Variants in EPG5 observed in about 807,000 individuals in gnomAD.
The protein encoded by EPG5 is ectopic P granules protein 5 homolog.
EPG5 carries 159 observed loss-of-function variants against 302.7 expected under a neutral mutation model. The observed-to-expected ratio is 0.53, with a 90% CI of 0.46 to 0.60. The LOEUF is 0.60. EPG5 is among the 20% of genes least tolerant of loss of function. The pLI is 0.00. For synonymous variants in EPG5, 1,158 were observed against 1,136.8 expected (o/e 1.02, Z -0.37); for missense variants, 2,896 against 3,092.4 (o/e 0.94, Z 1.51).
At chr18:45,952,046 A>G (rs1256474315) in intron 3 of EPG5, among the ~76,000 whole-genome samples, 1 of 152,266 alleles carries the variant, frequency 6.6e-6, no homozygotes, top group East Asian at 1.9e-4. Context: ...CACAAGAGAT[A>G]AAGGGTGAAG....
the EPG5 span, chr18:45,837,230 A>T: frequency 7.2e-7 from 1 of 1,389,572 alleles, no homozygotes; most frequent in Non-Finnish European, 9.5e-7. Context: ...CTGCAGGTGA[A>T]TTAGGAAACG....
chr18:45,896,126 G>T (rs1444744218), intron 27 of EPG5, among the ~76,000 whole-genome samples: 1 of 152,226 alleles, frequency 6.6e-6, no homozygotes, highest in Non-Finnish European at 1.5e-5. Flanking sequence ...TACCGCCTGG[G>T]ATAGCCTCAA....
chr18:45,837,603 A>G, the EPG5 span: 2 of 1,509,686 alleles, frequency 1.3e-6, no homozygotes, highest in Non-Finnish European at 1.8e-6. Context: ...ACCTTCACGC[A>G]CCCGCACCGC....
rs567468046 is a variant in EPG5 at position 45,913,871 on chromosome 18, C to A, written c.3694-43G>T. 20 of 1,602,058 alleles carry A rather than the reference C, an allele frequency of 1.2e-5. No homozygotes were observed. In the African/African-American group the frequency reaches 2.5e-4, roughly 20 times the overall value. On this transcript the variant is annotated intron_variant, in intron 20 of 43. Transcript: ENST00000282041. ...AAAGGGGAGGGGAAGGAGGAGCTCG[C>A]CCCACTGACGAAATACATCCTGATA...
intron 35 of EPG5, among the ~76,000 whole-genome samples, chr18:45,872,133 G>A (rs989967990): frequency 1.2e-4 from 18 of 152,106 alleles, no homozygotes; most frequent in Admixed American, 5.2e-4. Context: ...ATTAACCCTT[G>A]GTGCAATGAA....
chr18:45,865,769 A>AG lies in EPG5; in HGVS notation c.6622-11_6622-10insC. ...ATTTTGGAACTGCATCCTGACCAAA[A>AG]AAAAAAAAAAAAATCATTCAAATGA... is the stretch of plus-strand genomic sequence containing the variant. On this transcript the variant is annotated splice_polypyrimidine_tract_variant and intron_variant, in intron 38 of 43. Coordinates refer to ENST00000282041, the MANE Select transcript of EPG5 (RefSeq NM_020964.3). 1 of 1,457,222 alleles carries AG rather than the reference A, an allele frequency of 6.9e-7. No homozygotes were observed. The highest frequency in any genetic ancestry group is 9.3e-7 in the Non-Finnish European group (1 of 1,074,262). 90.3% of individuals were successfully genotyped at this position (1,457,222 alleles called of 1,614,324 possible). A position where few individuals can be genotyped will look rare whatever the true frequency, so the allele number is the denominator to read the frequency against.
At chr18:45,884,106 G>A (rs942122943) in intron 30 of EPG5, among the ~76,000 whole-genome samples, 3 of 151,924 alleles carry the variant, frequency 2.0e-5, no homozygotes, top group Non-Finnish European at 2.9e-5. Context: ...TTTCAAAACT[G>A]TATTAAGTTT....
chr18:45,915,412 A>G, intron 20 of EPG5, 99 bp downstream of exon 20: 2 of 866,418 alleles, frequency 2.3e-6, no homozygotes, highest in South Asian at 1.6e-5. Flanking sequence ...TAAGTGCTAA[A>G]TAAAAGTTAG....
intron 7 of EPG5, among the ~76,000 whole-genome samples, chr18:45,944,488 C>T (rs528296866): frequency 6.6e-6 from 1 of 152,292 alleles, no homozygotes; most frequent in African/African-American, 2.4e-5. Context: ...GGCGCGGTGG[C>T]TCATGCCTAT....
At position 45,880,184 on chromosome 18, in the gene EPG5, G is replaced by A; in HGVS notation, c.5558C>T (p.Ala1853Val). The part of the protein sequence containing the change: ...EQLLSPECWK[A>V]TLRALGCCAP... ...GCAGCAGCCCAGGGCTCTCAGAGTGGCCTTCCAACACTCGGGGCTCAGAAG... is the reference window on the plus strand; with the variant it reads ...GCAGCAGCCCAGGGCTCTCAGAGTGACCTTCCAACACTCGGGGCTCAGAAG... Residue 1853 changes from alanine (A) to valine (V), a missense_variant, in exon 32 of 44, where the codon GCC becomes GTC. Ala to Val is a moderately conservative substitution (Grantham distance 64). Transcript: ENST00000282041. 6.2e-7 allele frequency: 1 copy of A among 1,610,088 alleles called. No individual in the cohort carries two copies. Among genetic ancestry groups the A allele is most frequent in the Non-Finnish European group, 8.5e-7 (1 of 1,177,764 alleles).
chr18:45,946,246 C>T (rs747828079), intron 7 of EPG5, among the ~76,000 whole-genome samples: 7 of 152,166 alleles, frequency 4.6e-5, no homozygotes, highest in Non-Finnish European at 7.3e-5. Flanking sequence ...TGCTAAGCTC[C>T]AGCTCTTTAT....
chr18:45,905,417 G>A (rs2049725890), intron 24 of EPG5, among the ~76,000 whole-genome samples: 1 of 152,116 alleles, frequency 6.6e-6, no homozygotes, highest in Non-Finnish European at 1.5e-5. Context: ...CACAGTCCAA[G>A]GCATTCCAGA....
chr18:45,949,316 T>C (rs1285372168), intron 5 of EPG5, among the ~76,000 whole-genome samples, 168 bp downstream of exon 5: 1 of 152,132 alleles, frequency 6.6e-6, no homozygotes, highest in East Asian at 1.9e-4. Flanking sequence ...GCCCAACAAG[T>C]TTCAGTCTAA....
chr18:45,883,371 T>C (rs975873686), intron 30 of EPG5, among the ~76,000 whole-genome samples: 1 of 152,106 alleles, frequency 6.6e-6, no homozygotes, highest in Non-Finnish European at 1.5e-5. Flanking sequence ...AGACTGTTGA[T>C]ATTCCCTTCC....
intron 39 of EPG5, among the ~76,000 whole-genome samples, chr18:45,862,306 CTT>C (rs2048651927): frequency 6.6e-6 from 1 of 152,156 alleles, no homozygotes; most frequent in Non-Finnish European, 1.5e-5. Flanking sequence ...CCTCTACTGT[CTT>C]TGACTGTAAT....
intron 29 of EPG5, among the ~76,000 whole-genome samples, chr18:45,885,456 C>T (rs2145451023): frequency 6.6e-6 from 1 of 152,200 alleles, no homozygotes; most frequent in East Asian, 1.9e-4. Flanking sequence ...CTACAGTACC[C>T]AACATGGTGC....
At chr18:45,964,128 T>G (rs777381285) in intron 1 of EPG5, among the ~76,000 whole-genome samples, 3 of 152,192 alleles carry the variant, frequency 2.0e-5, no homozygotes, top group African/African-American at 4.8e-5. Flanking sequence ...ATAAAAAATA[T>G]AATCAATTGG....
intron 43 of EPG5, chr18:45,855,262 C>T (rs2048490698): frequency 4.9e-6 from 1 of 205,964 alleles, no homozygotes; most frequent in East Asian, 1.1e-4. Flanking sequence ...GCTCCAGCCC[C>T]TGCCCCAGCC....
chr18:45,923,175 C>A, intron 15 of EPG5, 93 bp downstream of exon 15: 1 of 1,350,018 alleles, frequency 7.4e-7, no homozygotes, highest in Non-Finnish European at 1.0e-6. Flanking sequence ...CTTAGGATAC[C>A]TAATGGTCAA....
Sources: gnomAD v4.1 joint callset for allele counts (sites outside exome capture counted in the v4.1 genomes callset) on GRCh38, gnomAD v4.1.1 for gene constraint, MANE v1.5 for transcripts, NCBI Gene and HGNC (gene_info 2026-07-23, HGNC 2026-07-21) for gene names.